FA2H: variants seen among roughly 807,000 people sequenced by gnomAD.
FA2H encodes the protein fatty acid alpha-hydroxylase.
FA2H carries 22 observed loss-of-function variants against 44.9 expected under a neutral mutation model. The observed-to-expected ratio is 0.49, with a 90% confidence interval of 0.35 to 0.70. The LOEUF (loss-of-function observed/expected upper bound fraction) is 0.70, where lower values mean the gene tolerates loss of function less well. FA2H is among the 30% of genes least tolerant of loss of function. The pLI is 0.01. For synonymous variants in FA2H, 243 were observed against 213.2 expected (o/e 1.14, Z -1.22); for missense variants, 501 against 504.9 (o/e 0.99, Z 0.07).
intron 1 of FA2H, among the ~76,000 whole-genome samples, chr16:74,761,237 G>C (rs1962702572): frequency 6.6e-6 from 1 of 152,144 alleles, no homozygotes; most frequent in Non-Finnish European, 1.5e-5. Flanking sequence ...AGATCACCCT[G>C]AGGTCAGGAG....
chr16:74,719,099 G>C lies in FA2H; in HGVS notation c.675C>G (p.Leu225=), dbSNP rs371803211. ...GGATGAGGTACTCGATGAGGCTCCA[G>C]AGGAATGTCCCCAGCATGAAGAGCC... ...FPGLFMLGTF[L]WSLIEYLIHR... Residue 225 remains leucine (L), a synonymous_variant, in exon 5 of 7, where the codon CTC becomes CTG. Transcript: ENST00000219368. 25 of 1,613,908 alleles carry C rather than the reference G, an allele frequency of 1.5e-5. No individual in the cohort carries two copies. The highest frequency in any genetic ancestry group is 2.7e-5 in the African/African-American group (2 of 74,938).
chr16:74,762,228 A>T (rs1416301757), intron 1 of FA2H, among the ~76,000 whole-genome samples: 1 of 152,170 alleles, frequency 6.6e-6, no homozygotes, highest in Non-Finnish European at 1.5e-5. Flanking sequence ...GATTTTTAGT[A>T]GAGACGGGGT....
At chr16:74,729,536 A>G (rs188176247) in intron 2 of FA2H, among the ~76,000 whole-genome samples, 21 of 152,358 alleles carry the variant, frequency 1.4e-4, no homozygotes, top group African/African-American at 5.1e-4. Context: ...ATTTAAATGG[A>G]CACATAATGG....
chr16:74,719,225 C>G, intron 4 of FA2H, 65 bp from the exon 5 acceptor site: 1 of 1,435,812 alleles, frequency 7.0e-7, no homozygotes, highest in Non-Finnish European at 9.7e-7. Flanking sequence ...TCCAGGTGTC[C>G]CTGCCTCACC....
Position 74,752,121 on chromosome 16 carries a change from A to G in FA2H, c.271-12006T>C, listed in dbSNP as rs559843434. ...TGGTTCCATGTCCACGACAATTTCAAATTCTCTCCATCCTCACAGTCACCA... is the reference window on the plus strand; with the variant it reads ...TGGTTCCATGTCCACGACAATTTCAGATTCTCTCCATCCTCACAGTCACCA... On this transcript the variant is annotated intron_variant, in intron 1 of 6. Coordinates refer to ENST00000219368, the MANE Select transcript of FA2H (RefSeq NM_024306.5). Among the ~76,000 whole-genome samples, 4 of 152,112 alleles carry G rather than the reference A, an allele frequency of 2.6e-5. No individual in the cohort carries two copies. The South Asian group carries it at 8.3e-4, about 32-fold the overall frequency.
chr16:74,747,328 A>G (rs1424915142), intron 1 of FA2H, among the ~76,000 whole-genome samples: 1 of 30,680 alleles, frequency 3.3e-5, no homozygotes, highest in Non-Finnish European at 5.7e-5. Context: ...ATAAATAAAT[A>G]AATAAGAAAG....
At chr16:74,742,727 A>C (rs1962338927) in intron 1 of FA2H, among the ~76,000 whole-genome samples, 1 of 152,078 alleles carries the variant, frequency 6.6e-6, no homozygotes, top group South Asian at 2.1e-4. Context: ...AGTCCTAGCT[A>C]CTCAGGAGGC....
chr16:74,757,432 A>T (rs1337931078), intron 1 of FA2H, among the ~76,000 whole-genome samples: 1 of 152,218 alleles, frequency 6.6e-6, no homozygotes, highest in East Asian at 1.9e-4. Flanking sequence ...GCAATTTGGC[A>T]CTATCTATTA....
Position 74,774,820 on chromosome 16 carries a change from T to C in FA2H, c.-65A>G, listed in dbSNP as rs1392584703. 2 of 1,242,388 alleles carry C rather than the reference T, an allele frequency of 1.6e-6. No homozygotes were observed. Among genetic ancestry groups the C allele is most frequent in the South Asian group, 3.5e-5 (1 of 28,868 alleles). The allele number at this position is 1,242,388 out of a possible 1,614,324, so 77.0% of individuals were successfully genotyped here. The stretch of plus-strand genomic sequence containing the variant: ...GCTCTGCTGCCACCCTGAGCGCCTC[T>C]AACATCCCGGGAGCCCCGCGGCCGT... On this transcript the variant is annotated 5_prime_UTR_variant, in exon 1 of 7. Transcript: ENST00000219368.
chr16:74,763,904 A>G (rs7196859), intron 1 of FA2H, among the ~76,000 whole-genome samples: 69,573 of 152,106 alleles, frequency 0.46, 16,880 homozygotes, highest in African/African-American at 0.55. Flanking sequence ...AGCAAATCCC[A>G]CCACCTTCAA....
chr16:74,719,457 A>T lies in FA2H; in HGVS notation c.614-297T>A. Among the ~76,000 whole-genome samples, 2 of 152,152 alleles carry T rather than the reference A, an allele frequency of 1.3e-5. 1 individual carries two copies. The highest frequency in any genetic ancestry group is 2.9e-5 in the Non-Finnish European group (2 of 68,014). On this transcript the variant is annotated intron_variant, in intron 4 of 6. Transcript: ENST00000219368. ...GGCTGGGGCTGGGCCTTTACCTGGAAGGGTGACCTTGCCCCAAGGACATTG... is the reference window on the plus strand; with the variant it reads ...GGCTGGGGCTGGGCCTTTACCTGGATGGGTGACCTTGCCCCAAGGACATTG...
Position 74,774,784 on chromosome 16 carries a change from G to A in FA2H, c.-29C>T. 3.1e-6 allele frequency: 4 copies of A among 1,277,192 alleles called. No homozygotes were observed. Among genetic ancestry groups the A allele is most frequent in the Non-Finnish European group, 3.9e-6 (4 of 1,017,920 alleles). The allele number at this position is 1,277,192 out of a possible 1,614,324, so 79.1% of individuals were successfully genotyped here. A position where few individuals can be genotyped will look rare whatever the true frequency, so the allele number is the denominator to read the frequency against. On this transcript the variant is annotated 5_prime_UTR_variant, in exon 1 of 7. Coordinates refer to ENST00000219368, the MANE Select transcript of FA2H (RefSeq NM_024306.5). ...CGGAGACCGCAGCTCCCAGCGCGCA[G>A]CCCGGCGTCTGCTCTGCTGCCACCC... is the stretch of plus-strand genomic sequence containing the variant.
chr16:74,772,246 G>A (rs956741702), intron 1 of FA2H, among the ~76,000 whole-genome samples: 1 of 152,166 alleles, frequency 6.6e-6, no homozygotes, highest in African/African-American at 2.4e-5. Context: ...CACACGTGCT[G>A]TTCCCTTTGC....
chr16:74,739,406 C>G (rs763694362), intron 2 of FA2H, among the ~76,000 whole-genome samples: 2 of 152,130 alleles, frequency 1.3e-5, no homozygotes, highest in South Asian at 2.1e-4. Flanking sequence ...TCTCCCCTGC[C>G]GCTGAGTGAC....
At chr16:74,717,409 A>C (rs1303454416) in intron 5 of FA2H, among the ~76,000 whole-genome samples, 4 of 152,204 alleles carry the variant, frequency 2.6e-5, no homozygotes, top group Non-Finnish European at 5.9e-5. Flanking sequence ...GCTCTCAGGA[A>C]AAGGAGGAAG....
chr16:74,741,808 A>ATATATATATATATGTGTGTGTGTGTG (rs1491185782), intron 1 of FA2H, among the ~76,000 whole-genome samples: 5 of 48,408 alleles, frequency 1.0e-4, no homozygotes, highest in African/African-American at 5.4e-4. Context: ...ATATATATAT[A>ATATATATATATATGTGTGTGTGTGTG]TGTGTGTGTG....
Position 74,719,002 on chromosome 16 carries a change from C to T in FA2H, c.772G>A (p.Gly258Ser), listed in dbSNP as rs774693133. The change falls in exon 5 of 7, where the codon GGC becomes AGC. Residue 258 changes from glycine (G) to serine (S), a missense_variant. Gly to Ser is a moderately conservative substitution (Grantham distance 56). Transcript: ENST00000219368. The part of the protein sequence containing the change: ...YLIMLHFVMH[G>S]QHHKAPFDGS... Reference sequence around the variant, plus strand: ...GCCCCGCTCACCTTGTGGTGCTGGCCGTGCATGACGAAGTGCAGCATGATG... The same window carrying T: ...GCCCCGCTCACCTTGTGGTGCTGGCTGTGCATGACGAAGTGCAGCATGATG... 3.1e-6 allele frequency: 5 copies of T among 1,613,836 alleles called. No homozygotes were observed. Among genetic ancestry groups the T allele is most frequent in the Admixed American group, 3.3e-5 (2 of 60,032 alleles).
At chr16:74,724,669 T>C (rs1961913716) in intron 4 of FA2H, among the ~76,000 whole-genome samples, 1 of 152,142 alleles carries the variant, frequency 6.6e-6, no homozygotes. Flanking sequence ...TTATCTCTCA[T>C]GCCCCCATCA....
intron 1 of FA2H, among the ~76,000 whole-genome samples, chr16:74,748,694 A>C (rs1200521183): frequency 6.6e-6 from 1 of 151,878 alleles, no homozygotes; most frequent in Non-Finnish European, 1.5e-5. Context: ...GAAGAACAAC[A>C]GAAAGTCTGC....
Sources: allele counts gnomAD v4.1 joint callset (sites outside exome capture counted in the v4.1 genomes callset), GRCh38; gene constraint gnomAD v4.1.1; transcripts MANE v1.5; gene names NCBI Gene and HGNC (gene_info 2026-07-23, HGNC 2026-07-21).